The following SRCIN1 variants were observed in gnomAD, a reference collection of about 807,000 sequenced individuals.
SRCIN1 encodes the protein SRC kinase signaling inhibitor 1.
SRCIN1 carries 50 observed loss-of-function variants against 116.2 expected under a neutral mutation model. That is an observed-to-expected ratio of 0.43 (90% CI 0.34 to 0.54). The LOEUF (loss-of-function observed/expected upper bound fraction) is 0.54. SRCIN1 is among the 20% of genes least tolerant of loss of function. SRCIN1 has a pLI of 0.02. For missense variants in SRCIN1, 1,446 were observed against 1,672.0 expected (o/e 0.86, Z 2.36); for synonymous variants, 736 against 750.0 (o/e 0.98, Z 0.30).
Position 38,533,319 on chromosome 17 carries a change from C to A in SRCIN1, c.3530G>T (p.Arg1177Met). Residue 1177 changes from arginine (R) to methionine (M), a missense_variant, in exon 19 of 19, where the codon AGG becomes ATG. Arg to Met is a moderately conservative substitution (Grantham distance 91, BLOSUM62 -1). Coordinates refer to ENST00000617146, the MANE Select transcript of SRCIN1 (RefSeq NM_025248.3). ...SIPVLTSFGA[R>M]NSSISF ...CTTCTAGAAGGAGATGGAAGAATTC[C>A]TTGCCCCAAAGGAAGTCAATACAGG... 6.3e-7 allele frequency: 1 copy of A among 1,578,780 alleles called. No homozygotes were observed. Among genetic ancestry groups the A allele is most frequent in the East Asian group, 2.3e-5 (1 of 43,508 alleles).
rs1458032011 is a variant in SRCIN1, at chr17:38,561,696, C to T, written c.1467G>A (p.Pro489=). ...GCCCCGAGTAGGGGCTGTGCGGTGG[C>T]GGGGGACCTCCGGGGGGTGCTGCCA... ...ADVAAPPGGP[P]PPHSPYSGPP... is the part of the protein sequence containing the mutation. Residue 489 remains proline (P), a synonymous_variant, in exon 7 of 19, where the codon CCG becomes CCA. Transcript: ENST00000617146. 1.7e-5 allele frequency: 26 copies of T among 1,544,994 alleles called. No individual in the cohort carries two copies. The highest frequency in any genetic ancestry group is 2.1e-5 in the Non-Finnish European group (24 of 1,150,314).
intron 18 of SRCIN1, among the ~76,000 whole-genome samples, chr17:38,540,740 G>T (rs1050400400): frequency 5.5e-5 from 8 of 146,760 alleles, no homozygotes; most frequent in African/African-American, 7.6e-5. Context: ...AGCTGGCAGG[G>T]GTGTGTGTGT....
intron 17 of SRCIN1, chr17:38,547,747 C>A: frequency 6.1e-6 from 2 of 325,940 alleles, no homozygotes; most frequent in South Asian, 2.2e-5. Flanking sequence ...GAAGTGGCAG[C>A]AGCCCCGTTA....
intron 1 of SRCIN1, among the ~76,000 whole-genome samples, chr17:38,583,560 T>TG (rs1907941323): frequency 5.4e-5 from 8 of 148,434 alleles, no homozygotes; most frequent in Middle Eastern, 3.5e-3. Flanking sequence ...TTTTTTTTTT[T>TG]TTTTTTTTTT....
chr17:38,538,079 G>A (rs571860566), intron 18 of SRCIN1, among the ~76,000 whole-genome samples: 159 of 151,294 alleles, frequency 1.1e-3, no homozygotes, highest in African/African-American at 3.8e-3. Context: ...CAGCCTGGGT[G>A]ACAGAGCGAG....
chr17:38,559,267 A>T, intron 10 of SRCIN1: 1 of 483,364 alleles, frequency 2.1e-6, no homozygotes, highest in Non-Finnish European at 3.7e-6. Context: ...AGGGATACTG[A>T]CGACGGAGGG....
chr17:38,544,257 C>A lies in SRCIN1; in HGVS notation c.3271-288G>T, dbSNP rs2144906075. 6.6e-6 allele frequency among the ~76,000 whole-genome samples: 1 copy of A among 152,222 alleles called. No homozygotes were observed. The highest frequency in any genetic ancestry group is 2.1e-4 in the South Asian group (1 of 4,824). On this transcript the variant is annotated intron_variant, in intron 17 of 18. Transcript: ENST00000617146. This position sits in a 1 kb window ranked among gnomAD's most constrained non-coding sequence, Gnocchi z 4.5. ...TTGAGTAGCTCAGGGGCAGCTGATG[C>A]CCTCCTTGGGGAGCCTCTGCTAAAG...
chr17:38,537,234 C>T (rs1275403683), intron 18 of SRCIN1, among the ~76,000 whole-genome samples: 1 of 152,006 alleles, frequency 6.6e-6, no homozygotes, highest in East Asian at 1.9e-4. Flanking sequence ...GGCTTGGTGG[C>T]TCATGCCTGT....
intron 2 of SRCIN1, among the ~76,000 whole-genome samples, chr17:38,574,322 C>T (rs1327969462): frequency 2.0e-5 from 3 of 152,170 alleles, no homozygotes; most frequent in African/African-American, 7.2e-5. Context: ...CTTCCCATAA[C>T]GGACACTGAA....
chr17:38,589,891 G>T (rs1002757717), intron 1 of SRCIN1, among the ~76,000 whole-genome samples: 8 of 152,236 alleles, frequency 5.3e-5, no homozygotes, highest in African/African-American at 1.9e-4. Context: ...TGGAGGATGG[G>T]GCGAGGGCAG....
chr17:38,559,601 T>A lies in SRCIN1; in HGVS notation c.2009A>T (p.Gln670Leu). ...SASDLRGQLQ[Q>L]LRKLQLQNQE... The stretch of plus-strand genomic sequence containing the variant: ...GGGCGGTACCTGGAGCTTGCGCAAC[T>A]GCTGGAGCTGGCCGCGCAAGTCACT... The change falls in exon 10 of 19, where the codon CAG becomes CTG. Residue 670 changes from glutamine (Q) to leucine (L), a missense_variant. Gln to Leu is a moderately radical substitution (Grantham distance 113). Around this residue, in one of 5 missense-constraint regions of SRCIN1, gnomAD observed 398 missense variants for 385.6 expected, o/e 1.03. Transcript: ENST00000617146. 6.2e-7 allele frequency: 1 copy of A among 1,601,404 alleles called. No individual in the cohort carries two copies. The highest frequency in any genetic ancestry group is 1.7e-5 in the Admixed American group (1 of 59,936).
intron 3 of SRCIN1, 50 bp from the exon 4 acceptor site, chr17:38,564,363 C>G (rs756218943): frequency 1.6e-4 from 215 of 1,373,408 alleles, no homozygotes; most frequent in Non-Finnish European, 1.8e-4. Flanking sequence ...CACCCCCCCT[C>G]CCCTTTGCTT....
Position 38,602,320 on chromosome 17 carries a change from G to T in SRCIN1, c.22+3364C>A, listed in dbSNP as rs987269214. 6.6e-6 allele frequency: 1 copy of T among 152,178 alleles called. No individual in the cohort carries two copies. The highest frequency in any genetic ancestry group is 1.5e-5 in the Non-Finnish European group (1 of 68,036). The allele number at this position is 152,178 out of a possible 1,614,324, so 9.4% of individuals were successfully genotyped here. ...GGAAGCGAGTACAGCCCTCAAACCC[G>T]CTGACGGCCAGATTTTTATTATCTT... On this transcript the variant is annotated intron_variant, in intron 1 of 18. Coordinates refer to ENST00000617146, the MANE Select transcript of SRCIN1 (RefSeq NM_025248.3). This position sits in a 1 kb window ranked among gnomAD's most constrained non-coding sequence, Gnocchi z 4.2.
chr17:38,576,232 A>G (rs1907408017), intron 2 of SRCIN1, among the ~76,000 whole-genome samples: 1 of 151,982 alleles, frequency 6.6e-6, no homozygotes, highest in African/African-American at 2.4e-5. Flanking sequence ...TCCTTCACCA[A>G]TCCCAAACTC....
At chr17:38,539,936 G>A (rs1016248699) in intron 18 of SRCIN1, among the ~76,000 whole-genome samples, 7 of 146,790 alleles carry the variant, frequency 4.8e-5, no homozygotes, top group Admixed American at 1.4e-4. Flanking sequence ...CAGGAGAATC[G>A]CTTGAACCCG....
chr17:38,567,598 C>T (rs1350203319), intron 3 of SRCIN1, among the ~76,000 whole-genome samples: 1 of 152,078 alleles, frequency 6.6e-6, no homozygotes, highest in South Asian at 2.1e-4. Flanking sequence ...GGGTGCTCTC[C>T]CAGGGGTCAA....
Position 38,602,869 on chromosome 17 carries a change from A to G in SRCIN1, c.22+2815T>C, listed in dbSNP as rs1246923834. On this transcript the variant is annotated intron_variant, in intron 1 of 18. Transcript: ENST00000617146. The surrounding 1 kb of genome is among the most constrained non-coding windows in gnomAD (Gnocchi z 4.2). Reference sequence around the variant, plus strand: ...AGACGCCATGAACTGTTCTTCCTTGAGCCCCAAACTCAGCTCCCTCAGTTC... The same window carrying G: ...AGACGCCATGAACTGTTCTTCCTTGGGCCCCAAACTCAGCTCCCTCAGTTC... Among the ~76,000 whole-genome samples the G allele has an allele frequency of 6.6e-6, 1 of 152,088 alleles. No individual in the cohort carries two copies. The highest frequency in any genetic ancestry group is 1.5e-5 in the Non-Finnish European group (1 of 68,028).
chr17:38,535,285 G>A lies in SRCIN1; in HGVS notation c.3418-1854C>T, dbSNP rs527506711. Among the ~76,000 whole-genome samples, 17 of 145,520 alleles carry A rather than the reference G, an allele frequency of 1.2e-4. No homozygotes were observed. In the East Asian group the frequency reaches 1.4e-3, roughly 12 times the overall value. On this transcript the variant is annotated intron_variant, in intron 18 of 18. Coordinates refer to ENST00000617146, the MANE Select transcript of SRCIN1 (RefSeq NM_025248.3). ...GTACAATGGCGCAATCTTGGCTCAC[G>A]GCAACCTCCGCCTCCCGGGTTCAAG... is the stretch of plus-strand genomic sequence containing the variant.
At chr17:38,547,543 A>G in intron 17 of SRCIN1, among the ~76,000 whole-genome samples, 1 of 152,088 alleles carries the variant, frequency 6.6e-6, no homozygotes, top group South Asian at 2.1e-4. Flanking sequence ...AGTCTCAGGG[A>G]GCCCCCCAGC....
Sources: allele counts gnomAD v4.1 joint callset (sites outside exome capture counted in the v4.1 genomes callset), GRCh38; gene constraint gnomAD v4.1.1; regional missense constraint gnomAD v4.1.1; non-coding constraint Gnocchi (gnomAD v3.1); transcripts MANE v1.5; gene names NCBI Gene and HGNC (gene_info 2026-07-23, HGNC 2026-07-21).